WDR27: variants seen among roughly 807,000 people sequenced by gnomAD.
WDR27 encodes the protein WD repeat domain 27, also known as WD repeat-containing protein 27.
A neutral mutation model predicts 114.4 loss-of-function variants in WDR27; 100 were observed. That is an observed-to-expected ratio of 0.87 (90% CI 0.74 to 1.03). The LOEUF (loss-of-function observed/expected upper bound fraction) is 1.03, where lower values mean the gene tolerates loss of function less well. Ranked by LOEUF, WDR27 falls within the 50% of genes least tolerant of loss-of-function variation. The pLI, the probability that WDR27 is intolerant of heterozygous loss-of-function variation, is 0.00. For synonymous variants in WDR27, 449 were observed against 423.1 expected (o/e 1.06, Z -0.75); for missense variants, 1,129 against 1,092.9 (o/e 1.03, Z -0.47).
chr6:169,610,880 T>G (rs1051309637), intron 22 of WDR27, among the ~76,000 whole-genome samples: 1 of 152,144 alleles, frequency 6.6e-6, no homozygotes, highest in Non-Finnish European at 1.5e-5. Flanking sequence ...ATGATTGAAT[T>G]TGGAGACTCA....
intron 13 of WDR27, among the ~76,000 whole-genome samples, chr6:169,653,279 G>C (rs1019595370): frequency 6.6e-6 from 1 of 152,230 alleles, no homozygotes. Context: ...TTTTTTACTA[G>C]AAATGTATAT....
At chr6:169,503,708 G>T (rs1791630952) in intron 25 of WDR27, among the ~76,000 whole-genome samples, 1 of 152,046 alleles carries the variant, frequency 6.6e-6, no homozygotes, top group South Asian at 2.1e-4. Context: ...AATTTCCTGG[G>T]CCTGCCCGGT....
At chr6:169,555,986 G>C (rs1798822473) in intron 25 of WDR27, among the ~76,000 whole-genome samples, 1 of 152,252 alleles carries the variant, frequency 6.6e-6, no homozygotes, top group Non-Finnish European at 1.5e-5. Flanking sequence ...GATGGAGGTA[G>C]AGGAGGGACC....
At chr6:169,510,273 A>G (rs1377242712) in intron 25 of WDR27, among the ~76,000 whole-genome samples, 4 of 152,212 alleles carry the variant, frequency 2.6e-5, no homozygotes, top group Non-Finnish European at 5.9e-5. Context: ...CAGCCATCCC[A>G]TTACTGGGTA....
At chr6:169,466,800 A>G (rs906854294) in intron 25 of WDR27, among the ~76,000 whole-genome samples, 1 of 152,182 alleles carries the variant, frequency 6.6e-6, no homozygotes, top group Non-Finnish European at 1.5e-5. Context: ...ATGTCTTCAC[A>G]TTTCAAAACA....
At chr6:169,648,217 G>A (rs971590773) in intron 15 of WDR27, among the ~76,000 whole-genome samples, 11 of 152,166 alleles carry the variant, frequency 7.2e-5, no homozygotes, top group Non-Finnish European at 1.3e-4. Flanking sequence ...GTCTCATGCC[G>A]CTGTGGGTGG....
chr6:169,613,398 C>G (rs768883339), intron 22 of WDR27, among the ~76,000 whole-genome samples, 161 bp downstream of exon 22: 1 of 152,216 alleles, frequency 6.6e-6, no homozygotes, highest in Non-Finnish European at 1.5e-5. Flanking sequence ...GTGCTTCACC[C>G]TTCCAAAGTT....
chr6:169,488,017 T>C (rs1484150016), intron 25 of WDR27, among the ~76,000 whole-genome samples: 1 of 152,170 alleles, frequency 6.6e-6, no homozygotes, highest in Non-Finnish European at 1.5e-5. Flanking sequence ...CTGGGGGTCA[T>C]GAGAAAATCA....
At chr6:169,578,731 C>T (rs1802873991) in intron 24 of WDR27, among the ~76,000 whole-genome samples, 1 of 152,124 alleles carries the variant, frequency 6.6e-6, no homozygotes, top group African/African-American at 2.4e-5. Flanking sequence ...AACAGCTCCT[C>T]GCTCTTGGGG....
At chr6:169,661,312 C>A (rs560532300) in intron 9 of WDR27, among the ~76,000 whole-genome samples, 12 of 152,356 alleles carry the variant, frequency 7.9e-5, no homozygotes, top group Admixed American at 5.9e-4. Context: ...AAGCTGCCCA[C>A]CTCTGTGAAT....
chr6:169,612,919 A>G (rs1051968895), intron 22 of WDR27, among the ~76,000 whole-genome samples: 2 of 152,110 alleles, frequency 1.3e-5, no homozygotes, highest in Non-Finnish European at 2.9e-5. Flanking sequence ...TAGTAAACAA[A>G]CCTGCCTGTA....
At chr6:169,624,852 A>G (rs915501709) in intron 21 of WDR27, among the ~76,000 whole-genome samples, 3 of 152,134 alleles carry the variant, frequency 2.0e-5, no homozygotes, top group Non-Finnish European at 2.9e-5. Context: ...CTGCAGCTCC[A>G]GGTAGATGGC....
intron 24 of WDR27, among the ~76,000 whole-genome samples, chr6:169,579,059 G>A (rs541478649): frequency 5.3e-5 from 8 of 152,234 alleles, no homozygotes; most frequent in East Asian, 1.9e-4. Flanking sequence ...AAAGACCGTC[G>A]CAGGCTTGGT....
intron 25 of WDR27, among the ~76,000 whole-genome samples, chr6:169,460,189 C>T (rs1784747154): frequency 6.6e-6 from 1 of 152,098 alleles, no homozygotes; most frequent in South Asian, 2.1e-4. Flanking sequence ...TGTAACCCCA[C>T]ATTTTATTTT....
At chr6:169,633,656 G>C (rs1278724586) in intron 20 of WDR27, among the ~76,000 whole-genome samples, 9 of 152,192 alleles carry the variant, frequency 5.9e-5, no homozygotes, top group Non-Finnish European at 8.8e-5. Flanking sequence ...AATGTGTATA[G>C]GTGGTGGGAA....
rs1341167863 is a variant in WDR27 at position 169,507,421 on chromosome 6, C to A, written c.2646-49787G>T. On this transcript the variant is annotated intron_variant, in intron 25 of 25. Coordinates refer to ENST00000448612, the MANE Select transcript of WDR27 (RefSeq NM_182552.5). ...TGCTTCATAGATGTTCTCAGTGTAA[C>A]TACCCATGACACTACTCCATCTTGA... 2.0e-5 allele frequency among the ~76,000 whole-genome samples: 3 copies of A among 152,160 alleles called. No homozygotes were observed. In the East Asian group the frequency reaches 5.8e-4, roughly 29 times the overall value.
intron 2 of WDR27, among the ~76,000 whole-genome samples, chr6:169,682,172 G>A (rs1781703017): frequency 6.6e-6 from 1 of 152,024 alleles, no homozygotes; most frequent in South Asian, 2.1e-4. Flanking sequence ...CTCCCTGGGA[G>A]ACAAATGACT....
At chr6:169,678,315 G>C (rs900435976) in intron 2 of WDR27, among the ~76,000 whole-genome samples, 7 of 152,208 alleles carry the variant, frequency 4.6e-5, no homozygotes, top group African/African-American at 1.7e-4. Context: ...GGGACACAGA[G>C]TCAATAGAGA....
At chr6:169,531,470 C>G (rs1292901106) in intron 25 of WDR27, among the ~76,000 whole-genome samples, 1 of 152,142 alleles carries the variant, frequency 6.6e-6, no homozygotes, top group African/African-American at 2.4e-5. Flanking sequence ...TTGTCAAATA[C>G]TTCCTGGCAG....
Sources: allele counts gnomAD v4.1 joint callset (sites outside exome capture counted in the v4.1 genomes callset), GRCh38; gene constraint gnomAD v4.1.1; transcripts MANE v1.5; gene names NCBI Gene and HGNC (gene_info 2026-07-23, HGNC 2026-07-21).